The following WBP2NL variants were observed in gnomAD, a reference collection of about 807,000 sequenced individuals.
WBP2NL encodes WBP2 N-terminal like, also known as postacrosomal sheath WW domain-binding protein.
In WBP2NL, 27 loss-of-function variants were observed where a neutral mutation model predicts 23.3. The ratio of observed to expected loss-of-function variants is 1.16; its 90% confidence interval spans 0.85 to 1.60. The LOEUF is 1.60. Ranked by LOEUF, WBP2NL falls within the 40% of genes most tolerant of loss-of-function variation. The probability of loss-of-function intolerance (pLI) is 0.00; values close to 1 mark genes in which losing one functional copy is unlikely to be tolerated. For missense variants in WBP2NL, 370 were observed against 389.5 expected, an observed-to-expected ratio of 0.95 and a Z score of 0.42; for synonymous variants, 151 against 145.9, an observed-to-expected ratio of 1.03 and a Z score of -0.25.
chr22:42,013,549 A>T (rs967246989), intron 1 of WBP2NL, among the ~76,000 whole-genome samples: 2 of 152,112 alleles, frequency 1.3e-5, no homozygotes, highest in Non-Finnish European at 2.9e-5. Context: ...AGTTTATTCT[A>T]CTTGGAGTTT....
At chr22:42,044,622 G>A (rs935662495) in intron 8 of WBP2NL, among the ~76,000 whole-genome samples, 37 of 152,080 alleles carry the variant, frequency 2.4e-4, no homozygotes, top group African/African-American at 8.9e-4. Context: ...GGGCAACGAG[G>A]GGAGACCCTG....
chr22:42,002,975 GA>G (rs1215576098), intron 1 of WBP2NL: 22 of 151,936 alleles, frequency 1.4e-4, no homozygotes, highest in Non-Finnish European at 2.8e-4. Flanking sequence ...TCATCTCACA[GA>G]ATAAAATTTA....
At chr22:42,031,576 T>G (rs1025527607), downstream of WBP2NL, 1 of 152,152 alleles carries the variant, frequency 6.6e-6, no homozygotes, top group Admixed American at 6.6e-5. Context: ...AAAATGAGCC[T>G]CCAAATACTC....
intron 8 of WBP2NL, among the ~76,000 whole-genome samples, chr22:42,045,234 C>T (rs745335582): frequency 8.1e-4 from 123 of 152,088 alleles, no homozygotes; most frequent in Admixed American, 1.8e-3. Context: ...GTCAGGAGAT[C>T]GAGACCATCC....
chr22:42,033,121 G>A (rs955294179), downstream of WBP2NL, among the ~76,000 whole-genome samples: 1 of 152,158 alleles, frequency 6.6e-6, no homozygotes, highest in Non-Finnish European at 1.5e-5. Flanking sequence ...GACAAGGGGT[G>A]TGTGGGGAAG....
At chr22:42,019,477 T>C (rs1418105556) in intron 2 of WBP2NL, 58 bp downstream of exon 2, 2 of 1,577,486 alleles carry the variant, frequency 1.3e-6, no homozygotes, top group East Asian at 2.2e-5. Context: ...TTCCTTGAAA[T>C]GAAGAAAACT....
At chr22:42,036,683 T>G (rs1042184850), downstream of WBP2NL, among the ~76,000 whole-genome samples, 2 of 152,248 alleles carry the variant, frequency 1.3e-5, no homozygotes, top group African/African-American at 4.8e-5. Flanking sequence ...TGATTACAAA[T>G]GTTGAACACA....
intron 8 of WBP2NL, among the ~76,000 whole-genome samples, chr22:42,045,994 C>T (rs1925572931): frequency 6.6e-6 from 1 of 152,192 alleles, no homozygotes; most frequent in South Asian, 2.1e-4. Flanking sequence ...TCCTCCTCCA[C>T]CAGGGTGGGT....
At chr22:42,023,577 C>T (rs1461456559) in intron 5 of WBP2NL, among the ~76,000 whole-genome samples, 1 of 151,884 alleles carries the variant, frequency 6.6e-6, no homozygotes, top group Non-Finnish European at 1.5e-5. Flanking sequence ...ATGCAAGCTC[C>T]ACCTCCCGGG....
chr22:42,049,413 G>A (rs957893253), intron 8 of WBP2NL, among the ~76,000 whole-genome samples: 8 of 152,064 alleles, frequency 5.3e-5, no homozygotes, highest in African/African-American at 1.9e-4. Context: ...ATAGGAGGCC[G>A]GGCACGGTGG....
intron 1 of WBP2NL, among the ~76,000 whole-genome samples, chr22:42,002,343 G>GAGGCCA (rs1569444816): frequency 6.6e-6 from 1 of 152,194 alleles, no homozygotes; most frequent in Non-Finnish European, 1.5e-5. Flanking sequence ...AGCACTTTGG[G>GAGGCCA]AGGCCAAGGC....
intron 8 of WBP2NL, among the ~76,000 whole-genome samples, chr22:42,055,531 C>A (rs1262263274): frequency 6.6e-6 from 1 of 152,100 alleles, no homozygotes; most frequent in African/African-American, 2.4e-5. Context: ...TATGGTCTGT[C>A]CTAGAGAATG....
chr22:42,055,965 G>A (rs1311109548), intron 8 of WBP2NL, among the ~76,000 whole-genome samples: 1 of 151,716 alleles, frequency 6.6e-6, no homozygotes, highest in Non-Finnish European at 1.5e-5. Context: ...TTTGGATTGT[G>A]TGTGCACTTG....
chr22:42,043,559 G>A (rs1228699474), intron 8 of WBP2NL, among the ~76,000 whole-genome samples: 3 of 152,152 alleles, frequency 2.0e-5, no homozygotes, highest in East Asian at 3.8e-4. Flanking sequence ...TTGGTAGTGT[G>A]CATCCTTGTG....
intron 4 of WBP2NL, among the ~76,000 whole-genome samples, chr22:42,020,864 GTGTGTATATATATATATATA>G (rs1489125211): frequency 0.035 from 1,233 of 34,978 alleles, 152 homozygotes; most frequent in African/African-American, 0.047. Context: ...GTGTGTGTGT[GTGTGTATATATATATATATA>G]TATATATATA....
chr22:42,014,831 A>G (rs894273206), intron 1 of WBP2NL, among the ~76,000 whole-genome samples: 1 of 152,094 alleles, frequency 6.6e-6, no homozygotes, highest in African/African-American at 2.4e-5. Flanking sequence ...CTGCCTCTTT[A>G]TTGATATTCT....
Position 42,027,155 on chromosome 22 carries a change from G to C in WBP2NL, c.904G>C (p.Ala302Pro). 1 of 1,613,576 alleles carries C rather than the reference G, an allele frequency of 6.2e-7. No individual in the cohort carries two copies. The highest frequency in any genetic ancestry group is 1.1e-5 in the South Asian group (1 of 91,066). ...TGAAAACGAGGCTTCTCTTCCCTCT[G>C]CCTCCTCTTCTCAGGTCCATTCTTA... ...APENEASLPS[A>P]SSSQVHS Residue 302 changes from alanine (A) to proline (P), a missense_variant, in exon 6 of 6, where the codon GCC (alanine) becomes CCC (proline). Physicochemically the swap from Ala to Pro is conservative, Grantham distance 27 (BLOSUM62 -1). Transcript: ENST00000328823.
At position 42,018,148 on chromosome 22, in the gene WBP2NL, CAA is replaced by C. The variant is rs573163901; in HGVS notation, c.63-1146_63-1145del. 1.4e-3 allele frequency among the ~76,000 whole-genome samples: 170 copies of C among 121,808 alleles called. 1 individual carries two copies. The highest frequency in any genetic ancestry group is 8.4e-3 in the Middle Eastern group (2 of 238). The allele number at this position is 121,808 out of a possible 152,430, so 79.9% of individuals were successfully genotyped here. A position where few individuals can be genotyped will look rare whatever the true frequency, so the allele number is the denominator to read the frequency against. Reference sequence around the variant, plus strand: ...TGGGGGACAAGAGCAAGACTTCTCTCAAAAAAAAAAAAAAAAAATTAGCCAGG... The same window carrying C: ...TGGGGGACAAGAGCAAGACTTCTCTCAAAAAAAAAAAAAAAATTAGCCAGG... On this transcript the variant is annotated intron_variant, in intron 1 of 5. Transcript: ENST00000328823.
intron 1 of WBP2NL, among the ~76,000 whole-genome samples, chr22:42,014,786 C>A (rs1425099531): frequency 2.6e-5 from 4 of 152,186 alleles, no homozygotes; most frequent in African/African-American, 4.8e-5. Flanking sequence ...TAGTCTTCAA[C>A]TCTAGAATTT....
Sources: gnomAD v4.1 joint callset for allele counts (sites outside exome capture counted in the v4.1 genomes callset) on GRCh38, gnomAD v4.1.1 for gene constraint, MANE v1.5 for transcripts, NCBI Gene and HGNC (gene_info 2026-07-23, HGNC 2026-07-21) for gene names.